Variants in KMT2C observed in about 807,000 individuals in gnomAD.
The protein encoded by KMT2C is histone-lysine N-methyltransferase 2C.
KMT2C carries 88 observed loss-of-function variants against 507.9 expected under a neutral mutation model. That is an observed-to-expected ratio of 0.17 (90% CI 0.15 to 0.21). The LOEUF (loss-of-function observed/expected upper bound fraction) is 0.21, where lower values mean the gene tolerates loss of function less well. Ranked by LOEUF, KMT2C falls within the 10% of genes least tolerant of loss-of-function variation. KMT2C has a pLI of 1.00. For missense variants in KMT2C, 4,954 were observed against 5,957.8 expected, an observed-to-expected ratio of 0.83 and a Z score of 5.55; for synonymous variants, 2,049 against 2,080.8, an observed-to-expected ratio of 0.98 and a Z score of 0.42.
chr7:152,292,233 A>G (rs887225712), intron 6 of KMT2C, among the ~76,000 whole-genome samples: 67 of 152,150 alleles, frequency 4.4e-4, no homozygotes, highest in African/African-American at 1.4e-3. Flanking sequence ...GTTACATATA[A>G]AGTCCACTTT....
At chr7:152,174,019 T>C in intron 39 of KMT2C, 112 bp downstream of exon 39, 1 of 588,066 alleles carries the variant, frequency 1.7e-6, no homozygotes, top group Non-Finnish European at 3.0e-6. Flanking sequence ...TTAAATAGTG[T>C]TGTTCATTCC....
chr7:152,152,573 G>T, intron 49 of KMT2C, 132 bp downstream of exon 49: 2 of 1,085,014 alleles, frequency 1.8e-6, no homozygotes, highest in Non-Finnish European at 2.7e-6. Flanking sequence ...ACCCACACAT[G>T]GTAAGTTCAC....
At chr7:152,417,416 C>T (rs374370554) in intron 1 of KMT2C, among the ~76,000 whole-genome samples, 68 of 152,230 alleles carry the variant, frequency 4.5e-4, no homozygotes, top group African/African-American at 1.6e-3. Flanking sequence ...CTGCACCTGG[C>T]CTCTAGCGGC....
At chr7:152,312,691 G>A (rs533308627) in intron 4 of KMT2C, among the ~76,000 whole-genome samples, 11 of 152,264 alleles carry the variant, frequency 7.2e-5, no homozygotes, top group African/African-American at 2.6e-4. Flanking sequence ...ACATATGGGA[G>A]ATTTCAGGCT....
At chr7:152,408,713 C>T (rs2097648892) in intron 1 of KMT2C, among the ~76,000 whole-genome samples, 1 of 151,976 alleles carries the variant, frequency 6.6e-6, no homozygotes, top group South Asian at 2.1e-4. Flanking sequence ...ACCATCCACT[C>T]CGTGCTCCCC....
At position 152,330,722 on chromosome 7, in the gene KMT2C, C is replaced by G; in HGVS notation, c.268G>C (p.Ala90Pro). Residue 90 changes from alanine (A) to proline (P), a missense_variant, in exon 3 of 59, where the codon GCA becomes CCA. Coordinates refer to ENST00000262189, the MANE Select transcript of KMT2C (RefSeq NM_170606.3). ...ACTTCTGCTTCAGCATCCTCTTCTG[C>G]AGATTGTTCTTTGATTTCTGCTTAA... The part of the protein sequence containing the change: ...IVETEIKEQS[A>P]EEDAEAEVDN... 1 of 1,613,954 alleles carries G rather than the reference C, an allele frequency of 6.2e-7. No individual in the cohort carries two copies. The highest frequency in any genetic ancestry group is 8.5e-7 in the Non-Finnish European group (1 of 1,179,936).
intron 1 of KMT2C, chr7:152,403,028 G>A (rs1287387755): frequency 2.2e-4 from 34 of 151,596 alleles, no homozygotes; most frequent in South Asian, 8.7e-4. Flanking sequence ...TCGAGGAAAT[G>A]CAAATAAAAA....
rs2129118183 is a variant in KMT2C at position 152,180,009 on chromosome 7, A to G, written c.7267T>C (p.Trp2423Arg). 1.2e-6 allele frequency: 2 copies of G among 1,614,166 alleles called. No individual in the cohort carries two copies. The highest frequency in any genetic ancestry group is 1.7e-4 in the Middle Eastern group (1 of 6,060). ...GCCTGGTTAACATTCTCTGGTTGCC[A>G]GTGTTGAAGAGGCCCTGGATGAGGC... ...AVPHPGPLQH[W>R]QPENVNQAFT... is the part of the protein sequence containing the mutation. Residue 2423 changes from tryptophan to arginine, a missense_variant, in exon 37 of 59, where the codon TGG (tryptophan) becomes CGG (arginine). By Grantham distance (101) the Trp-to-Arg change is moderately radical (BLOSUM62 -3). Coordinates refer to ENST00000262189, the MANE Select transcript of KMT2C (RefSeq NM_170606.3).
intron 1 of KMT2C, chr7:152,368,762 T>C: frequency 1.2e-6 from 1 of 845,252 alleles, no homozygotes; most frequent in African/African-American, 1.7e-5. Flanking sequence ...GTTTCATCCA[T>C]AATGATGGAT....
At chr7:152,169,461 T>C (rs1207993213) in intron 40 of KMT2C, among the ~76,000 whole-genome samples, 1 of 152,218 alleles carries the variant, frequency 6.6e-6, no homozygotes. Context: ...ACTACTATAC[T>C]GTCTAGATTT....
At chr7:152,355,662 G>C (rs1352424624) in intron 2 of KMT2C, among the ~76,000 whole-genome samples, 1 of 152,110 alleles carries the variant, frequency 6.6e-6, no homozygotes, top group African/African-American at 2.4e-5. Context: ...AAATGATCCT[G>C]AAAGGTTAAG....
At chr7:152,368,590 C>A in intron 1 of KMT2C, 1 of 1,419,580 alleles carries the variant, frequency 7.0e-7, no homozygotes, top group East Asian at 2.3e-5. Flanking sequence ...CTGGGAAGCT[C>A]AACAACATAT....
At chr7:152,195,869 C>G in intron 28 of KMT2C, 38 bp downstream of exon 28, 1 of 1,209,826 alleles carries the variant, frequency 8.3e-7, no homozygotes, top group Non-Finnish European at 1.2e-6. Flanking sequence ...TCGCTCACAT[C>G]AGAAACCAGA....
chr7:152,282,393 T>C (rs540830606), intron 6 of KMT2C, among the ~76,000 whole-genome samples: 255 of 152,172 alleles, frequency 1.7e-3, no homozygotes, highest in African/African-American at 5.8e-3. Flanking sequence ...TGTACTGCAA[T>C]GTTCATAGAA....
chr7:152,141,939 T>C (rs1252085461), intron 55 of KMT2C, among the ~76,000 whole-genome samples: 1 of 151,952 alleles, frequency 6.6e-6, no homozygotes, highest in Non-Finnish European at 1.5e-5. Context: ...AGAGGATCGC[T>C]TGAGCCCAGG....
chr7:152,159,275 T>C (rs1418454352), intron 43 of KMT2C, among the ~76,000 whole-genome samples: 1 of 152,240 alleles, frequency 6.6e-6, no homozygotes, highest in African/African-American at 2.4e-5. Flanking sequence ...TGGAAATCAG[T>C]AAGCTGCGAA....
rs749933914 is a variant in KMT2C at position 152,182,083 on chromosome 7, C to G, written c.5777G>C (p.Cys1926Ser). 1.7e-5 allele frequency: 28 copies of G among 1,614,068 alleles called. No homozygotes were observed. The South Asian group carries it at 2.9e-4, about 16-fold the overall frequency. The stretch of plus-strand genomic sequence containing the variant: ...CCTAGATACCGATGATAAAGGTGTA[C>G]AGTTTTCCACTGGTGCAGCAGAATT... ...RRNSAAPVEN[C>S]TPLSSVSRPL... Residue 1926 changes from cysteine to serine, a missense_variant, in exon 36 of 59, where the codon TGT becomes TCT. Cys to Ser is a moderately radical substitution (Grantham distance 112). This residue lies in a region of KMT2C where 1,689 missense variants were observed against 1,654.3 expected (regional missense o/e 1.02). Transcript: ENST00000262189.
Position 152,375,129 on chromosome 7 carries a change from G to A in KMT2C, c.162-16454C>T, listed in dbSNP as rs1030040381. On this transcript the variant is annotated intron_variant, in intron 1 of 58. Coordinates refer to ENST00000262189, the MANE Select transcript of KMT2C (RefSeq NM_170606.3). ...ACAATCTCGGCTTACTGCAACCTCCGCCTCCCAGGTTCAAGTGGTTCTCCT... is the reference window on the plus strand; with the variant it reads ...ACAATCTCGGCTTACTGCAACCTCCACCTCCCAGGTTCAAGTGGTTCTCCT... 2.6e-5 allele frequency among the ~76,000 whole-genome samples: 4 copies of A among 152,068 alleles called. No homozygotes were observed. In the South Asian group the frequency reaches 6.2e-4, roughly 24 times the overall value.
intron 50 of KMT2C, 130 bp downstream of exon 50, chr7:152,151,312 T>C (rs2091603955): frequency 1.1e-6 from 1 of 914,222 alleles, no homozygotes; most frequent in Non-Finnish European, 1.7e-6. Context: ...TATACGCTGG[T>C]GCCATCACCA....
Sources: gnomAD v4.1 joint callset for allele counts (sites outside exome capture counted in the v4.1 genomes callset) on GRCh38, gnomAD v4.1.1 for gene constraint, gnomAD v4.1.1 regional missense constraint, MANE v1.5 for transcripts, NCBI Gene and HGNC (gene_info 2026-07-23, HGNC 2026-07-21) for gene names.